Variants in BMP1 observed in about 807,000 individuals in gnomAD.
BMP1 encodes the protein bone morphogenetic protein 1.
A neutral mutation model predicts 116.8 loss-of-function variants in BMP1; 63 were observed. The observed-to-expected ratio is 0.54, with a 90% CI of 0.44 to 0.67. BMP1 has a LOEUF of 0.67. BMP1 is among the 30% of genes least tolerant of loss of function. The pLI is 0.00. For missense variants in BMP1, 1,183 were observed against 1,358.9 expected, an observed-to-expected ratio of 0.87 and a Z score of 2.04; for synonymous variants, 536 against 533.4, an observed-to-expected ratio of 1.00 and a Z score of -0.07.
intron 17 of BMP1, 67 bp downstream of exon 17, chr8:22,207,048 C>A: frequency 6.3e-7 from 1 of 1,589,080 alleles, no homozygotes; most frequent in Non-Finnish European, 8.6e-7. Context: ...TGCCCAGAGC[C>A]ACACAGGCTG....
At chr8:22,210,068 C>T (rs1310724345) in intron 19 of BMP1, among the ~76,000 whole-genome samples, 1 of 152,276 alleles carries the variant, frequency 6.6e-6, no homozygotes. Context: ...GAGGTTGGCA[C>T]CAGAGCCGGG....
chr8:22,210,641 G>A (rs1488541493), intron 19 of BMP1, among the ~76,000 whole-genome samples: 1 of 152,112 alleles, frequency 6.6e-6, no homozygotes, highest in Non-Finnish European at 1.5e-5. Flanking sequence ...ACCCAGCATT[G>A]GCTGAACCTC....
rs530319276 is a variant in BMP1 at position 22,194,789 on chromosome 8, C to T, written c.1509C>T (p.Ser503=). 6.7e-5 allele frequency: 108 copies of T among 1,613,982 alleles called. 1 individual carries two copies. The South Asian group carries it at 1.1e-3, about 17-fold the overall frequency. The change falls in exon 12 of 20, where the codon AGC becomes AGT. Residue 503 remains serine, a synonymous_variant. Transcript: ENST00000306385. The surrounding 1 kb of genome is among the most constrained non-coding windows in gnomAD (Gnocchi z 4.5). ...TGCGCGACGGGCACAGTGAGAGCAG[C>T]ACCCTCATCGGGCGCTACTGTGGCT... ...LEVRDGHSES[S]TLIGRYCGYE...
At chr8:22,173,387 C>G (rs1828336241) in intron 1 of BMP1, among the ~76,000 whole-genome samples, 1 of 152,202 alleles carries the variant, frequency 6.6e-6, no homozygotes, top group Admixed American at 6.5e-5. Context: ...ATCAGCTTTA[C>G]TGGGATTTTA....
At chr8:22,177,615 G>A (rs1349412434) in intron 5 of BMP1, 2 of 757,802 alleles carry the variant, frequency 2.6e-6, no homozygotes, top group Middle Eastern at 2.3e-4. Flanking sequence ...TCTAGAAATG[G>A]TGCTTCCTTC....
At chr8:22,196,582 G>C (rs1829098090) in intron 13 of BMP1, 98 bp from the exon 14 acceptor site, 1 of 1,549,446 alleles carries the variant, frequency 6.5e-7, no homozygotes, top group Admixed American at 1.7e-5. Context: ...GAGTCCACAG[G>C]CTCCCCATCT....
intron 5 of BMP1, 57 bp from the exon 6 acceptor site, chr8:22,177,795 A>C: frequency 7.7e-7 from 1 of 1,300,694 alleles, no homozygotes; most frequent in Non-Finnish European, 1.1e-6. Context: ...TGAGCGTTGC[A>C]TCCCAGGCAG....
intron 16 of BMP1, among the ~76,000 whole-genome samples, chr8:22,202,395 A>C (rs1011258517): frequency 3.9e-5 from 6 of 152,164 alleles, no homozygotes; most frequent in African/African-American, 1.4e-4. Flanking sequence ...AATAGTACCC[A>C]CCTCAGAGAG....
intron 16 of BMP1, among the ~76,000 whole-genome samples, chr8:22,204,630 C>T (rs1829319175): frequency 6.6e-6 from 1 of 152,070 alleles, no homozygotes; most frequent in Admixed American, 6.6e-5. Flanking sequence ...GGCTGAGGCA[C>T]AAGAATCGCT....
intron 7 of BMP1, 96 bp from the exon 8 acceptor site, chr8:22,180,272 C>A: frequency 2.0e-6 from 2 of 978,888 alleles, no homozygotes; most frequent in Non-Finnish European, 1.6e-6. Context: ...GCATTCTCCC[C>A]TCCCCCAGAG....
At chr8:22,172,279 G>T (rs964502804) in intron 1 of BMP1, among the ~76,000 whole-genome samples, 15 of 152,280 alleles carry the variant, frequency 9.9e-5, no homozygotes, top group Non-Finnish European at 1.9e-4. Flanking sequence ...GCCCAGCTCA[G>T]CATGCAGCTC....
intron 15 of BMP1, among the ~76,000 whole-genome samples, chr8:22,199,746 G>A (rs925172529): frequency 1.3e-4 from 20 of 152,102 alleles, no homozygotes; most frequent in African/African-American, 4.6e-4. Context: ...TGGCTCATAG[G>A]GTGCCCTTCA....
intron 8 of BMP1, among the ~76,000 whole-genome samples, chr8:22,191,688 A>G (rs1271101324): frequency 6.6e-6 from 1 of 152,182 alleles, no homozygotes; most frequent in East Asian, 1.9e-4. Flanking sequence ...CTTCGTCGCT[A>G]CTTCAGACCC....
intron 8 of BMP1, among the ~76,000 whole-genome samples, chr8:22,181,312 C>A (rs1828614198): frequency 6.6e-6 from 1 of 152,204 alleles, no homozygotes; most frequent in South Asian, 2.1e-4. Flanking sequence ...GGGCATACTA[C>A]GGGATCGGGT....
chr8:22,198,939 G>C (rs1232307970), intron 15 of BMP1: 1 of 1,259,490 alleles, frequency 7.9e-7, no homozygotes, highest in Non-Finnish European at 1.0e-6. Context: ...TTGAGAGGAT[G>C]TAACACCCAC....
chr8:22,173,787 C>G, intron 2 of BMP1, 72 bp downstream of exon 2: 1 of 1,280,626 alleles, frequency 7.8e-7, no homozygotes, highest in Non-Finnish European at 1.1e-6. Context: ...AGGAATCTCC[C>G]TGTTCCCAGC....
chr8:22,207,979 GTTCAAGCGA>G (rs1372966967), intron 18 of BMP1, among the ~76,000 whole-genome samples: 14 of 152,198 alleles, frequency 9.2e-5, no homozygotes, highest in Admixed American at 7.8e-4. Context: ...CACTTCCTGG[GTTCAAGCGA>G]TTCCCCTGCC....
chr8:22,195,581 T>C lies in BMP1; in HGVS notation c.1759T>C (p.Cys587Arg), dbSNP rs1357859072. The C allele has an allele frequency of 6.2e-7, 1 of 1,611,854 alleles. No homozygotes were observed. Among genetic ancestry groups the C allele is most frequent in the South Asian group, 1.1e-5 (1 of 90,988 alleles). Residue 587 changes from cysteine (C) to arginine (R), a missense_variant, in exon 13 of 20, where the codon TGT (cysteine) becomes CGT (arginine). Cys to Arg is a radical substitution (Grantham distance 180). This residue lies in a region of BMP1 where 956 missense variants were observed against 1,135.2 expected (regional missense o/e 0.84). Coordinates refer to ENST00000306385, the MANE Select transcript of BMP1 (RefSeq NM_006129.5). ...GYELAPDKRR[C>R]EAACGGFLTK... ...CGAGCTGGCCCCAGACAAGCGCCGC[T>C]GTGAGGGTGAGTGCCCCCAGACTGC... is the stretch of plus-strand genomic sequence containing the variant.
chr8:22,209,129 A>G (rs532443334), intron 18 of BMP1, among the ~76,000 whole-genome samples: 2 of 152,200 alleles, frequency 1.3e-5, no homozygotes, highest in Non-Finnish European at 2.9e-5. Context: ...ACATTCTTCC[A>G]TGACAGCCAT....
Sources: allele counts gnomAD v4.1 joint callset (sites outside exome capture counted in the v4.1 genomes callset), GRCh38; gene constraint gnomAD v4.1.1; regional missense constraint gnomAD v4.1.1; non-coding constraint Gnocchi (gnomAD v3.1); transcripts MANE v1.5; gene names NCBI Gene and HGNC (gene_info 2026-07-23, HGNC 2026-07-21).